The following CEBPZ variants were observed in gnomAD, a reference collection of about 807,000 sequenced individuals.
CEBPZ encodes the protein CCAAT/enhancer-binding protein zeta.
Under a neutral mutation model 104.5 loss-of-function variants are expected in CEBPZ, and 78 were observed. The ratio of observed to expected loss-of-function variants is 0.75; its 90% CI spans 0.62 to 0.90. The LOEUF (loss-of-function observed/expected upper bound fraction) is 0.90, where lower values mean the gene tolerates loss of function less well. CEBPZ is among the 40% of genes least tolerant of loss of function. CEBPZ has a pLI of 0.00. For synonymous variants in CEBPZ, 470 were observed against 427.0 expected (o/e 1.10, Z -1.24); for missense variants, 1,439 against 1,233.5 (o/e 1.17, Z -2.50).
At chr2:37,231,225 A>C in intron 1 of CEBPZ, 187 bp downstream of exon 1, 1 of 777,752 alleles carries the variant, frequency 1.3e-6, no homozygotes, top group East Asian at 2.7e-5. Context: ...GTTCAATTCG[A>C]AACTTTTCTT....
chr2:37,202,698 AATAAAAT>A, intron 15 of CEBPZ, 79 bp downstream of exon 15: 2 of 293,184 alleles, frequency 6.8e-6, no homozygotes, highest in Admixed American at 1.3e-4. Flanking sequence ...AAAAAGAATA[AATAAAAT>A]AACGAAAATT....
chr2:37,229,220 T>TACAC (rs539650296), intron 1 of CEBPZ, among the ~76,000 whole-genome samples, 184 bp from the exon 2 acceptor site: 1 of 151,504 alleles, frequency 6.6e-6, no homozygotes. Flanking sequence ...CTCTTTCTTT[T>TACAC]ACACACACAC....
chr2:37,211,981 C>A lies in CEBPZ; in HGVS notation c.2662G>T (p.Gly888Cys). The A allele has an allele frequency of 6.2e-7, 1 of 1,612,624 alleles. No individual in the cohort carries two copies. The highest frequency in any genetic ancestry group is 8.5e-7 in the Non-Finnish European group (1 of 1,179,604). The change falls in exon 12 of 16, where the codon GGT (glycine) becomes TGT (cysteine). Residue 888 changes from glycine (G) to cysteine (C), a missense_variant. Physicochemically the swap from Gly to Cys is radical, Grantham distance 159. Coordinates refer to ENST00000234170, the MANE Select transcript of CEBPZ (RefSeq NM_005760.3). ...AGGTTACCAAGTTCATCATCACTAC[C>A]TTCTGAATCTTCATCTAATGTGTTA... ...KDNTLDEDSE[G>C]SDDELGNLDD...
intron 5 of CEBPZ, among the ~76,000 whole-genome samples, chr2:37,218,073 C>T (rs1450438750): frequency 2.6e-5 from 4 of 151,500 alleles, no homozygotes; most frequent in African/African-American, 9.7e-5. Flanking sequence ...CGAGACCATC[C>T]TGGCTAACAC....
intron 15 of CEBPZ, 66 bp from the exon 16 acceptor site, chr2:37,201,969 A>T: frequency 6.7e-7 from 1 of 1,485,218 alleles, no homozygotes. Context: ...CCCACAGAAC[A>T]TGCTGCTGAG....
chr2:37,204,912 TCTC>T (rs1367204969), intron 13 of CEBPZ, among the ~76,000 whole-genome samples: 6 of 152,302 alleles, frequency 3.9e-5, no homozygotes, highest in South Asian at 2.1e-4. Context: ...ATTTTTTTCT[TCTC>T]CTCAAATTCC....
At position 37,228,530 on chromosome 2, in the gene CEBPZ, T is replaced by C. The variant is rs1664948599; in HGVS notation, c.663A>G (p.Lys221=). The part of the protein sequence containing the change: ...KLYQHEINLF[K]SKTNSQKGAS... ...CTCCCTTTTGACTATTCGTCTTACT[T>C]TTGAATAAGTTGATTTCATGCTGAT... Residue 221 remains lysine (K), a synonymous_variant, in exon 2 of 16, where the codon AAA becomes AAG. Transcript: ENST00000234170. 1 of 1,614,198 alleles carries C rather than the reference T, an allele frequency of 6.2e-7. No homozygotes were observed. The highest frequency in any genetic ancestry group is 8.5e-7 in the Non-Finnish European group (1 of 1,180,042).
In CEBPZ at chr2:37,222,855, T is replaced by G. The variant is rs1395476344; in HGVS notation, c.1882-292A>C. On this transcript the variant is annotated intron_variant, in intron 3 of 15. Transcript: ENST00000234170. ...AATTTCTGACTTGTAAATAACCCTATGAGGTAGGTACTATTATTTCCATTT... is the reference window on the plus strand; with the variant it reads ...AATTTCTGACTTGTAAATAACCCTAGGAGGTAGGTACTATTATTTCCATTT... 5.3e-5 allele frequency among the ~76,000 whole-genome samples: 8 copies of G among 152,320 alleles called. No individual in the cohort carries two copies. In the East Asian group the frequency reaches 1.5e-3, roughly 29 times the overall value.
rs1480910840 is a variant in CEBPZ at position 37,201,899 on chromosome 2, G to C, written c.3030C>G (p.Leu1010=). ...GTTCAGCCTCCCATCTAAGCTGTTTGAGACCTTTGAGAGAAGAAGAAAAGA... is the reference window on the plus strand; with the variant it reads ...GTTCAGCCTCCCATCTAAGCTGTTTCAGACCTTTGAGAGAAGAAGAAAAGA... The part of the protein sequence containing the change: ...NAMANKDNAS[L]KQLRWEAERD... Residue 1010 remains leucine, a synonymous_variant, in exon 16 of 16, where the codon CTC becomes CTG. Coordinates refer to ENST00000234170, the MANE Select transcript of CEBPZ (RefSeq NM_005760.3). 1.4e-5 allele frequency: 22 copies of C among 1,611,726 alleles called. No individual in the cohort carries two copies. The highest frequency in any genetic ancestry group is 1.9e-5 in the Non-Finnish European group (22 of 1,179,472).
chr2:37,203,814 A>G (rs1677405738), intron 13 of CEBPZ: 1 of 152,046 alleles, frequency 6.6e-6, no homozygotes, highest in African/African-American at 2.4e-5. Flanking sequence ...GTGGTTTCCT[A>G]TATCTGACTT....
At chr2:37,230,033 TGGG>T (rs1301198373) in intron 1 of CEBPZ, among the ~76,000 whole-genome samples, 1 of 151,962 alleles carries the variant, frequency 6.6e-6, no homozygotes, top group Non-Finnish European at 1.5e-5. Flanking sequence ...CTTACAAAAG[TGGG>T]GGAAAAACAC....
rs767026478 is a variant in CEBPZ, at chr2:37,201,820, G to A, written c.3109C>T (p.His1037Tyr). 1.9e-6 allele frequency: 3 copies of A among 1,595,188 alleles called. No homozygotes were observed. In the South Asian group the frequency reaches 3.3e-5, roughly 18 times the overall value. ...DAKSIIKKKK[H>Y]FKKKRIKTTQ... is the part of the protein sequence containing the mutation. ...GTTTTAATCCTCTTCTTTTTAAAAT[G>A]TTTCTTTTTCTTGATGATACTTTTT... Residue 1037 changes from histidine to tyrosine, a missense_variant, in exon 16 of 16, where the codon CAT becomes TAT. His to Tyr is a moderately conservative substitution (Grantham distance 83, BLOSUM62 2). Coordinates refer to ENST00000234170, the MANE Select transcript of CEBPZ (RefSeq NM_005760.3).
At position 37,228,250 on chromosome 2, in the gene CEBPZ, G is replaced by C. The variant is rs748097842; in HGVS notation, c.943C>G (p.Leu315Val). The C allele has an allele frequency of 5.6e-6, 9 of 1,614,096 alleles. No individual in the cohort carries two copies. The highest frequency in any genetic ancestry group is 7.6e-6 in the Non-Finnish European group (9 of 1,180,048). ...TTGTTGCCACTGGACAACTGTTCCA[G>C]TTTGTCAAAAGGACGCTGGCTGAAA... The part of the protein sequence containing the change: ...RIFSQRPFDK[L>V]EQLSSGNKDS... The change falls in exon 2 of 16, where the codon CTG (leucine) becomes GTG (valine). Residue 315 changes from leucine to valine, a missense_variant. By Grantham distance (32) the Leu-to-Val change is conservative (BLOSUM62 1). Transcript: ENST00000234170.
In CEBPZ at chr2:37,223,419, G is replaced by A. The variant is rs775297372; in HGVS notation, c.1650-18C>T. 2.5e-6 allele frequency: 4 copies of A among 1,602,630 alleles called. No homozygotes were observed. The Admixed American group carries it at 6.7e-5, about 27-fold the overall frequency. The stretch of plus-strand genomic sequence containing the variant: ...ACATCTTCCTGCAAAACAAAACCAA[G>A]GTCAAATATTTATGTATAAAACCAT... On this transcript the variant is annotated intron_variant, in intron 2 of 15. Coordinates refer to ENST00000234170, the MANE Select transcript of CEBPZ (RefSeq NM_005760.3).
chr2:37,202,457 C>CAA (rs1472339104), intron 15 of CEBPZ: 1 of 185,706 alleles, frequency 5.4e-6, no homozygotes, highest in Non-Finnish European at 1.1e-5. Context: ...CCAGCCTGGC[C>CAA]AACATGGTGA....
intron 15 of CEBPZ, 189 bp from the exon 16 acceptor site, chr2:37,202,092 AAG>A (rs1200697042): frequency 2.4e-6 from 1 of 409,970 alleles, no homozygotes; most frequent in African/African-American, 2.0e-5. Flanking sequence ...ATGTTTCAAA[AAG>A]AAATGACTAA....
intron 5 of CEBPZ, among the ~76,000 whole-genome samples, chr2:37,217,790 TAC>T (rs1664653780): frequency 6.7e-6 from 1 of 149,962 alleles, no homozygotes; most frequent in Non-Finnish European, 1.5e-5. Flanking sequence ...TAGTCCCAGC[TAC>T]TCGGGAGGCT....
At chr2:37,225,905 G>A (rs969706561) in intron 2 of CEBPZ, among the ~76,000 whole-genome samples, 2 of 120,996 alleles carry the variant, frequency 1.7e-5, no homozygotes, top group Admixed American at 9.1e-5. Flanking sequence ...CCTTAGGGCT[G>A]GAGGTGGGAC....
intron 2 of CEBPZ, among the ~76,000 whole-genome samples, chr2:37,226,286 TCA>T (rs1288114446): frequency 1.7e-4 from 26 of 152,194 alleles, no homozygotes; most frequent in African/African-American, 5.5e-4. Context: ...CACCCCTACA[TCA>T]CAGACTGGAG....
Sources: gnomAD v4.1 joint callset for allele counts (sites outside exome capture counted in the v4.1 genomes callset) on GRCh38, gnomAD v4.1.1 for gene constraint, MANE v1.5 for transcripts, NCBI Gene and HGNC (gene_info 2026-07-23, HGNC 2026-07-21) for gene names.